PRKG1: variants seen among roughly 807,000 people sequenced by gnomAD.
The protein encoded by PRKG1 is cGMP-dependent protein kinase 1.
In PRKG1, 35 loss-of-function variants were observed where a neutral mutation model predicts 88.1. The ratio of observed to expected loss-of-function variants is 0.40; its 90% CI spans 0.30 to 0.53. The LOEUF is 0.53. Among genes scored for constraint, PRKG1 ranks in the 20% least tolerant of loss-of-function variants. The pLI is 0.59. For synonymous variants in PRKG1, 303 were observed against 292.5 expected, an observed-to-expected ratio of 1.04 and a Z score of -0.37; for missense variants, 540 against 839.8, an observed-to-expected ratio of 0.64 and a Z score of 4.41.
rs1193898139 is a variant in PRKG1, at chr10:51,368,609, T to A, written c.479-99114T>A. Among the ~76,000 whole-genome samples, 3 of 152,174 alleles carry A rather than the reference T, an allele frequency of 2.0e-5. No individual in the cohort carries two copies. The East Asian group carries it at 5.8e-4, about 29-fold the overall frequency. On this transcript the variant is annotated intron_variant, in intron 2 of 17. Transcript: ENST00000373980. ...CCTAATTTAAAATTACAGAGTGACATGGGATGACAAAAGAGAGTGAAATGT... is the reference window on the plus strand; with the variant it reads ...CCTAATTTAAAATTACAGAGTGACAAGGGATGACAAAAGAGAGTGAAATGT...
intron 1 of PRKG1, among the ~76,000 whole-genome samples, chr10:51,037,318 A>C (rs1036478601): frequency 6.6e-6 from 1 of 151,648 alleles, no homozygotes; most frequent in Non-Finnish European, 1.5e-5. Flanking sequence ...AAAAATAAAA[A>C]ATTAGTATGG....
chr10:51,209,802 C>T (rs1409264059), intron 2 of PRKG1, among the ~76,000 whole-genome samples: 1 of 152,120 alleles, frequency 6.6e-6, no homozygotes, highest in East Asian at 1.9e-4. Flanking sequence ...GAAGTGTTTC[C>T]TGAGAACAAT....
At chr10:51,257,166 G>GTTT (rs35730040) in intron 2 of PRKG1, among the ~76,000 whole-genome samples, 2 of 138,778 alleles carry the variant, frequency 1.4e-5, no homozygotes, top group African/African-American at 2.6e-5. Flanking sequence ...TCAGAGAAGG[G>GTTT]TTTTTTTTTT....
At chr10:51,814,639 C>T (rs534230999) in intron 4 of PRKG1, among the ~76,000 whole-genome samples, 20 of 152,184 alleles carry the variant, frequency 1.3e-4, no homozygotes, top group Non-Finnish European at 2.5e-4. Context: ...AGTTGGTTTG[C>T]TCACAGACCA....
At chr10:51,833,710 A>G (rs10823689) in intron 4 of PRKG1, among the ~76,000 whole-genome samples, 3,991 of 152,250 alleles carry the variant, frequency 0.026, 110 homozygotes, top group East Asian at 0.11. Context: ...AACATTAAAA[A>G]TTAACTCTTT....
At chr10:51,958,185 A>G (rs1001310824) in intron 5 of PRKG1, among the ~76,000 whole-genome samples, 1 of 152,230 alleles carries the variant, frequency 6.6e-6, no homozygotes, top group African/African-American at 2.4e-5. Flanking sequence ...AACCAAATCT[A>G]TCATCCACAA....
At chr10:52,140,289 A>G (rs957763959) in intron 8 of PRKG1, among the ~76,000 whole-genome samples, 2 of 152,134 alleles carry the variant, frequency 1.3e-5, no homozygotes, top group African/African-American at 2.4e-5. Context: ...AATACATAAA[A>G]AGAACTGATT....
intron 2 of PRKG1, among the ~76,000 whole-genome samples, chr10:51,216,296 T>A (rs902248678): frequency 1.3e-5 from 2 of 152,248 alleles, no homozygotes; most frequent in African/African-American, 4.8e-5. Context: ...GATCTTTACA[T>A]AAGTTATCTT....
chr10:51,337,198 G>A (rs1003268673), intron 2 of PRKG1, among the ~76,000 whole-genome samples: 21 of 152,130 alleles, frequency 1.4e-4, no homozygotes, highest in African/African-American at 4.8e-4. Flanking sequence ...TTAGAGAACT[G>A]GCTAGTCATA....
At chr10:52,052,561 A>C (rs915693005) in intron 5 of PRKG1, among the ~76,000 whole-genome samples, 5 of 152,104 alleles carry the variant, frequency 3.3e-5, no homozygotes, top group African/African-American at 9.7e-5. Context: ...CTTAGAAAGA[A>C]AAAGGTTTAA....
At chr10:51,651,099 C>T (rs1238307157) in intron 3 of PRKG1, among the ~76,000 whole-genome samples, 1 of 152,128 alleles carries the variant, frequency 6.6e-6, no homozygotes, top group Non-Finnish European at 1.5e-5. Context: ...CACAAGACGG[C>T]CCTTGAAACT....
intron 5 of PRKG1, among the ~76,000 whole-genome samples, chr10:52,015,424 A>G (rs1303213573): frequency 4.6e-5 from 7 of 152,204 alleles, no homozygotes; most frequent in Non-Finnish European, 8.8e-5. Context: ...TGCACAGAGA[A>G]GCAGGGTCTT....
intron 3 of PRKG1, among the ~76,000 whole-genome samples, chr10:51,626,295 G>A (rs576693454): frequency 6.6e-6 from 1 of 152,288 alleles, no homozygotes; most frequent in South Asian, 2.1e-4. Context: ...AGCATGAAAT[G>A]TGAAATGTAC....
At chr10:51,699,206 T>C (rs1390719865) in intron 3 of PRKG1, 1 of 1,614,164 alleles carries the variant, frequency 6.2e-7, no homozygotes, top group Admixed American at 1.7e-5. Context: ...GGGATCCCCA[T>C]AGGGTGAGTC....
chr10:52,102,162 C>CAGTT (rs1847308077), intron 7 of PRKG1, among the ~76,000 whole-genome samples: 1 of 152,148 alleles, frequency 6.6e-6, no homozygotes, highest in Non-Finnish European at 1.5e-5. Flanking sequence ...CAATAAACAA[C>CAGTT]TGCCTTTTTA....
At chr10:51,596,871 C>T (rs2132218586) in intron 3 of PRKG1, among the ~76,000 whole-genome samples, 1 of 152,250 alleles carries the variant, frequency 6.6e-6, no homozygotes, top group African/African-American at 2.4e-5. Context: ...TAATGGCTAA[C>T]AGTGGCCAGT....
intron 14 of PRKG1, among the ~76,000 whole-genome samples, chr10:52,288,000 C>A (rs1267306798): frequency 6.6e-6 from 1 of 152,024 alleles, no homozygotes. Flanking sequence ...TTACAAAGTA[C>A]AATAAGTGGC....
At chr10:51,426,000 G>A (rs293329) in intron 2 of PRKG1, among the ~76,000 whole-genome samples, 6,221 of 152,298 alleles carry the variant, frequency 0.041, 370 homozygotes, top group African/African-American at 0.13. Flanking sequence ...AGGCAGCTAG[G>A]AGCGGTGGCT....
intron 3 of PRKG1, among the ~76,000 whole-genome samples, chr10:51,689,853 C>G (rs1841091337): frequency 6.6e-6 from 1 of 152,172 alleles, no homozygotes; most frequent in African/African-American, 2.4e-5. Flanking sequence ...TTAAATAAAA[C>G]TAGGCCCAAA....
Sources: allele counts gnomAD v4.1 joint callset (sites outside exome capture counted in the v4.1 genomes callset), GRCh38; gene constraint gnomAD v4.1.1; transcripts MANE v1.5; gene names NCBI Gene and HGNC (gene_info 2026-07-23, HGNC 2026-07-21).